The following STOX2 variants were observed in gnomAD, a reference collection of about 807,000 sequenced individuals.
The protein encoded by STOX2 is storkhead-box protein 2.
In STOX2, 28 loss-of-function variants were observed where a neutral mutation model predicts 60.9. The ratio of observed to expected loss-of-function variants is 0.46; its 90% CI spans 0.34 to 0.63. The LOEUF (loss-of-function observed/expected upper bound fraction) is 0.63, where lower values mean the gene tolerates loss of function less well. Ranked by LOEUF, STOX2 falls within the 30% of genes least tolerant of loss-of-function variation. STOX2 has a pLI of 0.01. For synonymous variants in STOX2, 472 were observed against 463.9 expected (o/e 1.02, Z -0.22); for missense variants, 1,024 against 1,187.7 (o/e 0.86, Z 2.03).
At chr4:183,861,449 C>T (rs1165172637) in intron 1 of STOX2, among the ~76,000 whole-genome samples, 1 of 152,230 alleles carries the variant, frequency 6.6e-6, no homozygotes, top group Non-Finnish European at 1.5e-5. Flanking sequence ...TTCAGCCTCT[C>T]AGCCTGCGAG....
At chr4:183,843,308 C>A (rs1739912516) in intron 1 of STOX2, among the ~76,000 whole-genome samples, 1 of 152,188 alleles carries the variant, frequency 6.6e-6, no homozygotes, top group Non-Finnish European at 1.5e-5. Flanking sequence ...ACAGAGACGT[C>A]ACCCTGACCC....
chr4:183,934,401 C>T (rs148519425), intron 1 of STOX2, among the ~76,000 whole-genome samples: 2 of 152,290 alleles, frequency 1.3e-5, no homozygotes, highest in East Asian at 3.9e-4. Context: ...GGCCCAACCC[C>T]TTTGTCTTAA....
At chr4:183,902,684 C>A (rs73870950), upstream of STOX2, among the ~76,000 whole-genome samples, 1 of 152,134 alleles carries the variant, frequency 6.6e-6, no homozygotes, top group African/African-American at 2.4e-5. Flanking sequence ...ACAGGGAACT[C>A]CATTTTTCTT....
chr4:183,806,885 C>T lies in STOX2; in HGVS notation c.364+8830C>T, dbSNP rs1482106256. On this transcript the variant is annotated intron_variant, in intron 1 of 2. Coordinates refer to the STOX2 transcript ENST00000513034. The surrounding 1 kb of genome is among the most constrained non-coding windows in gnomAD (Gnocchi z 4.1). ...GGTCTTCAGAGATTCCAGACTCCCCCGCATGCACTGCCCCCACGGCCCCAC... is the reference window on the plus strand; with the variant it reads ...GGTCTTCAGAGATTCCAGACTCCCCTGCATGCACTGCCCCCACGGCCCCAC... 2.0e-5 allele frequency among the ~76,000 whole-genome samples: 3 copies of T among 152,320 alleles called. No homozygotes were observed. Among genetic ancestry groups the T allele is most frequent in the South Asian group, 2.1e-4 (1 of 4,826 alleles).
At chr4:183,898,914 T>C (rs1741400957) in intron 1 of STOX2, among the ~76,000 whole-genome samples, 3 of 152,204 alleles carry the variant, frequency 2.0e-5, no homozygotes, top group Admixed American at 1.3e-4. Flanking sequence ...TTTGCAGATA[T>C]TGCATTTTTT....
At chr4:184,002,320 T>C (rs1302851182) in intron 2 of STOX2, among the ~76,000 whole-genome samples, 3 of 152,214 alleles carry the variant, frequency 2.0e-5, no homozygotes, top group Non-Finnish European at 4.4e-5. Context: ...TGTTTCTAGG[T>C]TGAAATAGAG....
chr4:183,957,127 C>G (rs1743271873), intron 1 of STOX2, among the ~76,000 whole-genome samples: 1 of 145,092 alleles, frequency 6.9e-6, no homozygotes, highest in African/African-American at 2.5e-5. Flanking sequence ...ATGTTGTACA[C>G]ATGTACCCTA....
intron 1 of STOX2, among the ~76,000 whole-genome samples, chr4:183,982,321 G>A (rs1397578148): frequency 6.6e-6 from 1 of 152,190 alleles, no homozygotes; most frequent in Admixed American, 6.5e-5. Context: ...AACACCAAGT[G>A]TATTTTTTAA....
rs1560857840 is a variant in STOX2 at position 183,874,971 on chromosome 4, AT to A, written c.364+76917del. 3.9e-4 allele frequency among the ~76,000 whole-genome samples: 42 copies of A among 106,550 alleles called. 1 individual carries two copies. The highest frequency in any genetic ancestry group is 1.2e-3 in the South Asian group (4 of 3,262). 69.9% of individuals were successfully genotyped at this position (106,550 alleles called of 152,430 possible). A position where few individuals can be genotyped will look rare whatever the true frequency, so the allele number is the denominator to read the frequency against. ...AAAAAAAATATATATATATATATAT[AT>A]ATATATATATATATATATATAAAAC... On this transcript the variant is annotated intron_variant, in intron 1 of 2. Coordinates refer to the STOX2 transcript ENST00000513034.
In STOX2 at chr4:184,018,998, A is replaced by G. The variant is rs1160707121; in HGVS notation, c.*1714A>G. ...AATTGGCATATGATTTGTGAGACGC[A>G]TCTGTTTTTGTATGAGGTTTAATCA... On this transcript the variant is annotated 3_prime_UTR_variant, in exon 4 of 4. Transcript: ENST00000308497. The G allele has an allele frequency of 1.3e-5, 2 of 152,172 alleles. No homozygotes were observed. Among genetic ancestry groups the G allele is most frequent in the African/African-American group, 4.8e-5 (2 of 41,440 alleles). 9.4% of individuals were successfully genotyped at this position (152,172 alleles called of 1,614,324 possible). A position where few individuals can be genotyped will look rare whatever the true frequency, so the allele number is the denominator to read the frequency against.
chr4:183,852,560 A>G (rs368759301), intron 1 of STOX2, among the ~76,000 whole-genome samples: 338 of 94,320 alleles, frequency 3.6e-3, no homozygotes, highest in Middle Eastern at 0.014. Flanking sequence ...AAAGGATGAG[A>G]GAAAGGATGA....
At chr4:183,998,820 G>C (rs956329521) in intron 1 of STOX2, among the ~76,000 whole-genome samples, 1 of 152,160 alleles carries the variant, frequency 6.6e-6, no homozygotes, top group Admixed American at 6.5e-5. Context: ...GGGATTATAG[G>C]TGTGAGCCAC....
At chr4:183,979,535 T>C (rs1732574695) in intron 1 of STOX2, among the ~76,000 whole-genome samples, 1 of 152,228 alleles carries the variant, frequency 6.6e-6, no homozygotes, top group Non-Finnish European at 1.5e-5. Context: ...CTGTATCTGC[T>C]CTGTCCAGCA....
intron 1 of STOX2, among the ~76,000 whole-genome samples, chr4:183,879,408 C>T (rs1219519997): frequency 6.6e-6 from 1 of 152,230 alleles, no homozygotes; most frequent in Non-Finnish European, 1.5e-5. Context: ...CTGGAGGAAA[C>T]CACAGAGCTC....
intron 1 of STOX2, among the ~76,000 whole-genome samples, chr4:183,963,925 A>G (rs544420080): frequency 5.7e-4 from 85 of 150,092 alleles, no homozygotes; most frequent in East Asian, 1.4e-3. Context: ...ACAGGCGCCC[A>G]CCACCACGCC....
chr4:183,957,148 T>TAATA (rs1743273116), intron 1 of STOX2, among the ~76,000 whole-genome samples: 1 of 142,762 alleles, frequency 7.0e-6, no homozygotes, highest in Non-Finnish European at 1.5e-5. Context: ...AAACTTAAAG[T>TAATA]ATAATAATAA....
In STOX2 at chr4:184,020,127, A is replaced by G. The variant is rs567917863; in HGVS notation, c.*2843A>G. On this transcript the variant is annotated 3_prime_UTR_variant, in exon 4 of 4. Transcript: ENST00000308497. Reference sequence around the variant, plus strand: ...ACCTCCATAAATTTGATGAAATGGCAGCCGTGTGTTAAAGTGTATCGTTCA... The same window carrying G: ...ACCTCCATAAATTTGATGAAATGGCGGCCGTGTGTTAAAGTGTATCGTTCA... 2 of 152,330 alleles carry G rather than the reference A, an allele frequency of 1.3e-5. No homozygotes were observed. Among genetic ancestry groups the G allele is most frequent in the East Asian group, 3.9e-4 (2 of 5,180 alleles). 9.4% of individuals were successfully genotyped at this position (152,330 alleles called of 1,614,324 possible). A position where few individuals can be genotyped will look rare whatever the true frequency, so the allele number is the denominator to read the frequency against.
chr4:183,886,823 CT>C (rs1741095220), intron 1 of STOX2, among the ~76,000 whole-genome samples: 1 of 152,198 alleles, frequency 6.6e-6, no homozygotes, highest in African/African-American at 2.4e-5. Context: ...ACTCTGCCAT[CT>C]TTTTTCTCAT....
At chr4:184,003,272 C>T (rs1323859772) in intron 2 of STOX2, among the ~76,000 whole-genome samples, 1 of 152,166 alleles carries the variant, frequency 6.6e-6, no homozygotes, top group African/African-American at 2.4e-5. Flanking sequence ...GGTTACGTAC[C>T]ACCCATTTTT....
Sources: gnomAD v4.1 joint callset for allele counts (sites outside exome capture counted in the v4.1 genomes callset) on GRCh38, gnomAD v4.1.1 for gene constraint, Gnocchi (gnomAD v3.1) non-coding constraint, MANE v1.5 for transcripts, NCBI Gene and HGNC (gene_info 2026-07-23, HGNC 2026-07-21) for gene names.